Variants in MPRIP observed in about 807,000 individuals in gnomAD.
MPRIP encodes myosin phosphatase Rho interacting protein.
A neutral mutation model predicts 234.9 loss-of-function variants in MPRIP; 59 were observed. The observed-to-expected ratio is 0.25, with a 90% CI of 0.20 to 0.31. The LOEUF is 0.31. MPRIP is among the 10% of genes least tolerant of loss of function. The pLI is 1.00. For missense variants in MPRIP, 2,436 were observed against 3,071.0 expected, an observed-to-expected ratio of 0.79 and a Z score of 4.89; for synonymous variants, 1,144 against 1,263.9, an observed-to-expected ratio of 0.91 and a Z score of 2.01.
intron 15 of MPRIP, among the ~76,000 whole-genome samples, chr17:17,163,522 G>A (rs1222007522): frequency 6.6e-6 from 1 of 152,108 alleles, no homozygotes; most frequent in African/African-American, 2.4e-5. Flanking sequence ...CTTCTTACAG[G>A]TAGAGATTAG....
chr17:17,081,279 T>C (rs965612610), intron 3 of MPRIP, among the ~76,000 whole-genome samples: 4 of 152,226 alleles, frequency 2.6e-5, no homozygotes, highest in Non-Finnish European at 5.9e-5. Context: ...TCTTGGTGTG[T>C]CTCCCCATTG....
chr17:17,076,380 A>G (rs1322273168), intron 2 of MPRIP: 2 of 152,234 alleles, frequency 1.3e-5, no homozygotes, highest in Non-Finnish European at 2.9e-5. Context: ...TGCCGCTTGC[A>G]CCCTATAAAT....
At chr17:17,098,879 C>T (rs2089904185) in intron 3 of MPRIP, among the ~76,000 whole-genome samples, 1 of 152,168 alleles carries the variant, frequency 6.6e-6, no homozygotes, top group Non-Finnish European at 1.5e-5. Context: ...GGATGCCTGC[C>T]TAATAGAGGC....
At chr17:17,082,829 C>A (rs1251139659) in intron 3 of MPRIP, among the ~76,000 whole-genome samples, 4 of 152,218 alleles carry the variant, frequency 2.6e-5, no homozygotes, top group African/African-American at 7.2e-5. Context: ...GAATTTGACT[C>A]CTCCAGCACC....
At chr17:17,046,742 G>T (rs1327174447) in intron 1 of MPRIP, among the ~76,000 whole-genome samples, 1 of 152,146 alleles carries the variant, frequency 6.6e-6, no homozygotes. Flanking sequence ...TTTGGTAAAA[G>T]GCCAAATAGT....
Position 17,136,113 on chromosome 17 carries a change from G to A in MPRIP, c.505-106G>A, listed in dbSNP as rs1010846147. The A allele has an allele frequency of 2.1e-5, 24 of 1,148,632 alleles. No individual in the cohort carries two copies. The South Asian group carries it at 2.9e-4, about 14-fold the overall frequency. 71.2% of individuals were successfully genotyped at this position (1,148,632 alleles called of 1,614,324 possible). A position where few individuals can be genotyped will look rare whatever the true frequency, so the allele number is the denominator to read the frequency against. ...CTGAAGATTCCAGGCCCCTGACATT[G>A]TGTAGCTGGCCCGGGTGCCCCCTAT... On this transcript the variant is annotated intron_variant, in intron 5 of 23. Coordinates refer to ENST00000651222, the MANE Select transcript of MPRIP (RefSeq NM_001364716.4).
intron 17 of MPRIP, 100 bp downstream of exon 17, chr17:17,171,965 G>A: frequency 7.5e-7 from 1 of 1,334,282 alleles, no homozygotes; most frequent in African/African-American, 1.5e-5. Context: ...TTGCCTTTTG[G>A]CTGAGATGTA....
intron 9 of MPRIP, among the ~76,000 whole-genome samples, chr17:17,144,686 ACT>A (rs2045418000): frequency 6.6e-6 from 1 of 152,068 alleles, no homozygotes; most frequent in African/African-American, 2.4e-5. Flanking sequence ...TGAAACACTG[ACT>A]CTACTAAAAA....
intron 3 of MPRIP, among the ~76,000 whole-genome samples, chr17:17,109,168 C>T (rs1327112227): frequency 6.6e-6 from 1 of 152,210 alleles, no homozygotes; most frequent in Non-Finnish European, 1.5e-5. Flanking sequence ...AATATTCAAT[C>T]AGTATCCGTT....
In MPRIP at chr17:17,164,411, G is replaced by A. The variant is rs762532170; in HGVS notation, c.2820G>A (p.Glu940=). 7.8e-7 allele frequency: 1 copy of A among 1,284,198 alleles called. No homozygotes were observed. Among genetic ancestry groups the A allele is most frequent in the South Asian group, 1.2e-5 (1 of 80,180 alleles). 79.6% of individuals were successfully genotyped at this position (1,284,198 alleles called of 1,614,324 possible). The change falls in exon 16 of 24, where the codon GAG becomes GAA. Residue 940 remains glutamate (E), a synonymous_variant. Coordinates refer to ENST00000651222, the MANE Select transcript of MPRIP (RefSeq NM_001364716.4). ...GCCGGGTCCGCGAGCAGCTGGAGGAGCGGCAACACAGCGAGGCGGCGCTGA... is the reference window on the plus strand; with the variant it reads ...GCCGGGTCCGCGAGCAGCTGGAGGAACGGCAACACAGCGAGGCGGCGCTGA... The part of the protein sequence containing the change: ...EQGRVREQLE[E]RQHSEAALSS...
Position 17,078,003 on chromosome 17 carries a change from C to T in MPRIP, c.202-8C>T, listed in dbSNP as rs755450846. 23 of 1,613,986 alleles carry T rather than the reference C, an allele frequency of 1.4e-5. No individual in the cohort carries two copies. Among genetic ancestry groups the T allele is most frequent in the South Asian group, 3.3e-5 (3 of 91,090 alleles). ...CCTCCTAACCACCCACCTTGTGCTC[C>T]GTTGCAGAAATGGCAGCGACGGTTC... On this transcript the variant is annotated splice_polypyrimidine_tract_variant and splice_region_variant and intron_variant, in intron 2 of 23. Coordinates refer to ENST00000651222, the MANE Select transcript of MPRIP (RefSeq NM_001364716.4). The surrounding 1 kb of genome is among the most constrained non-coding windows in gnomAD (Gnocchi z 4.3).
intron 3 of MPRIP, among the ~76,000 whole-genome samples, chr17:17,098,066 C>T (rs867477456): frequency 1.3e-5 from 2 of 152,182 alleles, no homozygotes; most frequent in African/African-American, 4.8e-5. Context: ...TGCCTCCCTG[C>T]GCTGCTTCTG....
At chr17:17,085,351 T>C (rs1410627595) in intron 3 of MPRIP, among the ~76,000 whole-genome samples, 1 of 152,206 alleles carries the variant, frequency 6.6e-6, no homozygotes, top group Non-Finnish European at 1.5e-5. Flanking sequence ...TGTTTTCATC[T>C]TTACATGAGC....
intron 18 of MPRIP, 148 bp from the exon 19 acceptor site, chr17:17,173,768 C>T: frequency 1.1e-6 from 1 of 911,796 alleles, no homozygotes; most frequent in South Asian, 1.4e-5. Flanking sequence ...TAAGGGATCC[C>T]TTACTCTGTA....
rs1399769680 is a variant in MPRIP, at chr17:17,166,982, G to T, written c.5391G>T (p.Ala1797=). ...KEKASLLEEI[A]AALPSLPPVE... ...AGGCCAGCCTCTTAGAGGAGATAGC[G>T]GCTGCCTTACCATCTCTGCCACCTG... Residue 1797 remains alanine, a synonymous_variant, in exon 16 of 24, where the codon GCG becomes GCT. Transcript: ENST00000651222. This position sits in a 1 kb window ranked among gnomAD's most constrained non-coding sequence, Gnocchi z 4.4. 1.5e-6 allele frequency: 2 copies of T among 1,304,172 alleles called. No individual in the cohort carries two copies. Among genetic ancestry groups the T allele is most frequent in the Non-Finnish European group, 2.0e-6 (2 of 988,934 alleles). 80.8% of individuals were successfully genotyped at this position (1,304,172 alleles called of 1,614,324 possible).
chr17:17,172,644 T>A, intron 17 of MPRIP, 54 bp from the exon 18 acceptor site: 103 of 1,321,482 alleles, frequency 7.8e-5, no homozygotes, highest in Middle Eastern at 2.6e-4. Context: ...CCCCCACCCC[T>A]GTCAGCAGGA....
chr17:17,125,793 C>T (rs1176254145), intron 3 of MPRIP, among the ~76,000 whole-genome samples: 1 of 152,184 alleles, frequency 6.6e-6, no homozygotes, highest in African/African-American at 2.4e-5. Context: ...TCTGCTTCTT[C>T]AAGAATGAGA....
At chr17:17,181,101 T>A (rs1240562177) in intron 23 of MPRIP, among the ~76,000 whole-genome samples, 1 of 152,222 alleles carries the variant, frequency 6.6e-6, no homozygotes, top group Non-Finnish European at 1.5e-5. Flanking sequence ...AGGGTGGTCA[T>A]TCTAGGAATG....
intron 11 of MPRIP, chr17:17,149,762 T>G (rs2045558658): frequency 6.7e-6 from 1 of 148,590 alleles, no homozygotes; most frequent in Non-Finnish European, 1.5e-5. Flanking sequence ...TAAAATATAT[T>G]TAAATATTTT....
Sources: allele counts gnomAD v4.1 joint callset (sites outside exome capture counted in the v4.1 genomes callset), GRCh38; gene constraint gnomAD v4.1.1; non-coding constraint Gnocchi (gnomAD v3.1); transcripts MANE v1.5; gene names NCBI Gene and HGNC (gene_info 2026-07-23, HGNC 2026-07-21).